Variants in PHACTR1 observed in about 807,000 individuals in gnomAD.
PHACTR1 encodes phosphatase and actin regulator 1.
In PHACTR1, 16 loss-of-function variants were observed where a neutral mutation model predicts 69.2. The observed-to-expected ratio is 0.23, with a 90% CI of 0.16 to 0.35. The LOEUF (loss-of-function observed/expected upper bound fraction) is 0.35. PHACTR1 is among the 10% of genes least tolerant of loss of function. The pLI, the probability that PHACTR1 is intolerant of heterozygous loss-of-function variation, is 1.00. For synonymous variants in PHACTR1, 312 were observed against 284.5 expected, an observed-to-expected ratio of 1.10 and a Z score of -0.97; for missense variants, 510 against 734.7, an observed-to-expected ratio of 0.69 and a Z score of 3.54.
In PHACTR1 at chr6:12,866,308, T is replaced by C. The variant is rs190313780; in HGVS notation, c.250+116518T>C. Among the ~76,000 whole-genome samples, 6 of 152,310 alleles carry C rather than the reference T, an allele frequency of 3.9e-5. No individual in the cohort carries two copies. The East Asian group carries it at 9.6e-4, about 24-fold the overall frequency. On this transcript the variant is annotated intron_variant, in intron 4 of 14. Coordinates refer to ENST00000332995, the MANE Select transcript of PHACTR1 (RefSeq NM_030948.6). ...GCATATATTATAGGACCTGAGCTTT[T>C]CCTGGTAAAGAAAAAGAGAGAAAAA...
At chr6:12,944,089 G>C (rs1223337126) in intron 4 of PHACTR1, among the ~76,000 whole-genome samples, 1 of 152,168 alleles carries the variant, frequency 6.6e-6, no homozygotes, top group Non-Finnish European at 1.5e-5. Flanking sequence ...TGTTAATTAA[G>C]AGACATTACC....
chr6:13,208,731 T>C (rs1264551176), intron 8 of PHACTR1, among the ~76,000 whole-genome samples: 1 of 151,568 alleles, frequency 6.6e-6, no homozygotes, highest in Non-Finnish European at 1.5e-5. Context: ...TAATAGTATA[T>C]TGCTAAATAT....
intron 4 of PHACTR1, among the ~76,000 whole-genome samples, chr6:12,833,324 T>C (rs1777791213): frequency 6.6e-6 from 1 of 151,856 alleles, no homozygotes; most frequent in Non-Finnish European, 1.5e-5. Flanking sequence ...AGTGGTGCGA[T>C]CTCAGCTCAC....
intron 4 of PHACTR1, among the ~76,000 whole-genome samples, chr6:12,849,380 C>A (rs1779610555): frequency 6.6e-6 from 1 of 152,124 alleles, no homozygotes; most frequent in Non-Finnish European, 1.5e-5. Flanking sequence ...AGAGAAGGTA[C>A]CCTATGTCGG....
In PHACTR1 at chr6:13,283,250, G is replaced by T; in HGVS notation, c.1510-172G>T. 1.4e-6 allele frequency: 1 copy of T among 692,754 alleles called. No homozygotes were observed. Among genetic ancestry groups the T allele is most frequent in the East Asian group, 2.9e-5 (1 of 34,652 alleles). 42.9% of individuals were successfully genotyped at this position (692,754 alleles called of 1,614,324 possible). A position where few individuals can be genotyped will look rare whatever the true frequency, so the allele number is the denominator to read the frequency against. ...AACGTCCCACTCCCAAGAGTCAGGA[G>T]ACTTGGGTCCCCCCACCCTGGCCCT... is the stretch of plus-strand genomic sequence containing the variant. On this transcript the variant is annotated intron_variant, in intron 12 of 14. Coordinates refer to ENST00000332995, the MANE Select transcript of PHACTR1 (RefSeq NM_030948.6). The surrounding 1 kb of genome is among the most constrained non-coding windows in gnomAD (Gnocchi z 4.7).
intron 7 of PHACTR1, among the ~76,000 whole-genome samples, chr6:13,193,665 G>A (rs1373394270): frequency 1.3e-5 from 2 of 150,614 alleles, no homozygotes; most frequent in African/African-American, 2.4e-5. Context: ...TGGGACTACA[G>A]GCGAGATCTG....
At chr6:13,001,199 T>G (rs1798057273) in intron 4 of PHACTR1, among the ~76,000 whole-genome samples, 1 of 152,210 alleles carries the variant, frequency 6.6e-6, no homozygotes, top group African/African-American at 2.4e-5. Context: ...TGTTGATGGA[T>G]TTTTAGTTGT....
chr6:13,060,478 A>G (rs1471239169), intron 5 of PHACTR1, among the ~76,000 whole-genome samples: 1 of 152,190 alleles, frequency 6.6e-6, no homozygotes, highest in Non-Finnish European at 1.5e-5. Flanking sequence ...CAAATGTGAA[A>G]GAGGCAGTAG....
chr6:12,911,869 G>GC (rs1437999783), intron 4 of PHACTR1, among the ~76,000 whole-genome samples: 1 of 152,192 alleles, frequency 6.6e-6, no homozygotes, highest in African/African-American at 2.4e-5. Context: ...TCTCCAGAAA[G>GC]CTCTATTAAC....
At chr6:13,177,697 A>G (rs1761580176) in intron 6 of PHACTR1, among the ~76,000 whole-genome samples, 1 of 152,240 alleles carries the variant, frequency 6.6e-6, no homozygotes, top group Non-Finnish European at 1.5e-5. Flanking sequence ...ATGTAGCAAC[A>G]AACCATTTTT....
chr6:12,876,686 T>C (rs903912836), intron 4 of PHACTR1, among the ~76,000 whole-genome samples: 1 of 152,210 alleles, frequency 6.6e-6, no homozygotes, highest in Admixed American at 6.5e-5. Context: ...ACTTGCATCA[T>C]CCTTAGGTAA....
At chr6:12,856,251 C>CTTTTTTT (rs201867496) in intron 4 of PHACTR1, among the ~76,000 whole-genome samples, 31 of 95,314 alleles carry the variant, frequency 3.3e-4, no homozygotes, top group African/African-American at 8.7e-4. Context: ...TTCTTTCTTT[C>CTTTTTTT]TTTCTTTTTT....
intron 4 of PHACTR1, among the ~76,000 whole-genome samples, chr6:12,822,884 T>C (rs1776374558): frequency 6.6e-6 from 1 of 151,754 alleles, no homozygotes. Context: ...GCAAGAGAGG[T>C]TAGGGCAGCG....
intron 10 of PHACTR1, among the ~76,000 whole-genome samples, chr6:13,258,405 G>T (rs1161357110): frequency 6.6e-6 from 1 of 151,500 alleles, no homozygotes; most frequent in African/African-American, 2.4e-5. Context: ...CATACATTCT[G>T]ATTTAATTGG....
At chr6:12,801,863 A>G (rs1474197848) in intron 4 of PHACTR1, among the ~76,000 whole-genome samples, 2 of 152,154 alleles carry the variant, frequency 1.3e-5, no homozygotes, top group East Asian at 1.9e-4. Context: ...GCAACATTTC[A>G]GCTAATGCCT....
rs1396836156 is a variant in PHACTR1, at chr6:13,205,858, G to A, written c.708G>A (p.Leu236=). 6.3e-7 allele frequency: 1 copy of A among 1,596,016 alleles called. No individual in the cohort carries two copies. Among genetic ancestry groups the A allele is most frequent in the Non-Finnish European group, 8.6e-7 (1 of 1,165,520 alleles). The change falls in exon 8 of 15, where the codon CTG becomes CTA. Residue 236 remains leucine (L), a synonymous_variant. Coordinates refer to ENST00000332995, the MANE Select transcript of PHACTR1 (RefSeq NM_030948.6). ...PVKLPCLPVK[L]SPPLPPKKVM... ...AATTGCCTTGTCTGCCAGTGAAACT[G>A]TCGCCTCCGCTACCTCCAAAGAAAG... is the stretch of plus-strand genomic sequence containing the variant.
At chr6:12,746,166 T>A (rs979935046) in intron 3 of PHACTR1, among the ~76,000 whole-genome samples, 4 of 151,824 alleles carry the variant, frequency 2.6e-5, no homozygotes, top group Non-Finnish European at 5.9e-5. Context: ...ATAGAAAAAA[T>A]TAGATGAAAG....
chr6:13,177,427 A>C (rs937990920), intron 6 of PHACTR1, among the ~76,000 whole-genome samples: 2 of 81,908 alleles, frequency 2.4e-5, no homozygotes, highest in South Asian at 9.9e-4. Context: ...ACATATATGT[A>C]TGTATGTGTA....
intron 4 of PHACTR1, among the ~76,000 whole-genome samples, chr6:12,954,635 A>G (rs1419676797): frequency 2.0e-5 from 3 of 152,168 alleles, no homozygotes; most frequent in Non-Finnish European, 4.4e-5. Context: ...CAACACAAGG[A>G]AAGAACTTTT....
Sources: gnomAD v4.1 joint callset for allele counts (sites outside exome capture counted in the v4.1 genomes callset) on GRCh38, gnomAD v4.1.1 for gene constraint, Gnocchi (gnomAD v3.1) non-coding constraint, MANE v1.5 for transcripts, NCBI Gene and HGNC (gene_info 2026-07-23, HGNC 2026-07-21) for gene names.